Variants in RANBP9 observed in about 807,000 individuals in gnomAD.
RANBP9 encodes the protein ran-binding protein 9.
In RANBP9, 15 loss-of-function variants were observed where a neutral mutation model predicts 84.3. The observed-to-expected ratio is 0.18, with a 90% confidence interval of 0.12 to 0.27. The LOEUF is 0.27. RANBP9 is among the 10% of genes least tolerant of loss of function. RANBP9 has a pLI of 1.00. For missense variants in RANBP9, 809 were observed against 912.8 expected (o/e 0.89, Z 1.46); for synonymous variants, 392 against 349.6 (o/e 1.12, Z -1.35).
chr6:13,696,802 G>A lies in RANBP9; in HGVS notation c.666C>T (p.Val222=), dbSNP rs749045213. The change falls in exon 2 of 14, where the codon GTC becomes GTT. Residue 222 remains valine, a synonymous_variant. Transcript: ENST00000011619. Reference sequence around the variant, plus strand: ...TTACTTACCCATCTCTTCCCTTACTGACAATTTTTACTTCAAAATAATAAA... The same window carrying A: ...TTACTTACCCATCTCTTCCCTTACTAACAATTTTTACTTCAAAATAATAAA... ...CGIYYFEVKI[V]SKGRDGYMGI... 1.2e-6 allele frequency: 2 copies of A among 1,608,662 alleles called. No homozygotes were observed. The highest frequency in any genetic ancestry group is 1.7e-6 in the Non-Finnish European group (2 of 1,176,800).
chr6:13,650,942 T>G (rs1562305144), intron 5 of RANBP9, among the ~76,000 whole-genome samples: 1 of 152,048 alleles, frequency 6.6e-6, no homozygotes, highest in Non-Finnish European at 1.5e-5. Flanking sequence ...CCAACCTGGG[T>G]GACAGAGTGA....
chr6:13,636,861 AT>A (rs540231662), intron 10 of RANBP9, among the ~76,000 whole-genome samples: 42 of 151,664 alleles, frequency 2.8e-4, no homozygotes, highest in East Asian at 1.7e-3. Flanking sequence ...TCAAATACAG[AT>A]TTTTTTTTAC....
At chr6:13,630,995 G>C (rs1764766443) in intron 12 of RANBP9, among the ~76,000 whole-genome samples, 1 of 152,054 alleles carries the variant, frequency 6.6e-6, no homozygotes, top group Non-Finnish European at 1.5e-5. Context: ...ATTTTTAGTA[G>C]AGACGGGGTT....
chr6:13,652,198 T>G (rs1216237550), intron 5 of RANBP9, among the ~76,000 whole-genome samples: 2 of 152,234 alleles, frequency 1.3e-5, no homozygotes, highest in Non-Finnish European at 2.9e-5. Context: ...TACTTGTTTT[T>G]CATGTACTGC....
At position 13,693,886 on chromosome 6, in the gene RANBP9, T is replaced by C. The variant is rs1168053614; in HGVS notation, c.683+2899A>G. Among the ~76,000 whole-genome samples, 9 of 151,816 alleles carry C rather than the reference T, an allele frequency of 5.9e-5. 1 individual carries two copies. The South Asian group carries it at 1.3e-3, about 21-fold the overall frequency. Reference sequence around the variant, plus strand: ...TGTGAAACCCTGTCTCTACTAAAAATACAAAAATTAGCCAGGTGTGGTGGT... The same window carrying C: ...TGTGAAACCCTGTCTCTACTAAAAACACAAAAATTAGCCAGGTGTGGTGGT... On this transcript the variant is annotated intron_variant, in intron 2 of 13. Coordinates refer to ENST00000011619, the MANE Select transcript of RANBP9 (RefSeq NM_005493.3).
At chr6:13,692,544 A>AAAC in intron 2 of RANBP9, among the ~76,000 whole-genome samples, 1 of 147,618 alleles carries the variant, frequency 6.8e-6, no homozygotes, top group African/African-American at 2.5e-5. Context: ...AAAAAAAAAA[A>AAAC]AAAAAAAAAA....
chr6:13,657,062 TA>T, intron 4 of RANBP9, 46 bp downstream of exon 4: 1 of 1,481,988 alleles, frequency 6.7e-7, no homozygotes. Context: ...GGAAGTATAA[TA>T]ATCTCCATAT....
chr6:13,641,641 T>TA (rs1177490710), intron 7 of RANBP9, among the ~76,000 whole-genome samples: 1 of 152,134 alleles, frequency 6.6e-6, no homozygotes, highest in Non-Finnish European at 1.5e-5. Context: ...TTATCAAACA[T>TA]AATCTTCTGA....
chr6:13,650,614 G>A (rs552003691), intron 5 of RANBP9, among the ~76,000 whole-genome samples: 61 of 152,182 alleles, frequency 4.0e-4, no homozygotes, highest in African/African-American at 1.3e-3. Flanking sequence ...TTTCATTTTC[G>A]TGATATTGGT....
At chr6:13,662,375 T>C (rs754464187) in intron 2 of RANBP9, among the ~76,000 whole-genome samples, 1 of 152,084 alleles carries the variant, frequency 6.6e-6, no homozygotes, top group Non-Finnish European at 1.5e-5. Context: ...GCACAAGATG[T>C]AGGGAGAAAT....
chr6:13,684,523 C>A (rs1047044635), intron 2 of RANBP9, among the ~76,000 whole-genome samples: 1 of 152,164 alleles, frequency 6.6e-6, no homozygotes, highest in Non-Finnish European at 1.5e-5. Context: ...TCATACAATT[C>A]AACTTTCCTC....
intron 5 of RANBP9, among the ~76,000 whole-genome samples, chr6:13,648,856 G>T (rs978123391): frequency 6.6e-6 from 1 of 152,108 alleles, no homozygotes; most frequent in African/African-American, 2.4e-5. Context: ...ATGTTTTTTA[G>T]TATGTTCACA....
At chr6:13,706,554 G>A (rs530269727) in intron 1 of RANBP9, among the ~76,000 whole-genome samples, 2 of 151,660 alleles carry the variant, frequency 1.3e-5, no homozygotes, top group Non-Finnish European at 2.9e-5. Flanking sequence ...TTAGCCAGGC[G>A]TGGTGGCGCA....
chr6:13,657,973 T>C (rs1765442722), intron 3 of RANBP9, among the ~76,000 whole-genome samples: 1 of 152,168 alleles, frequency 6.6e-6, no homozygotes, highest in African/African-American at 2.4e-5. Context: ...GCCTTGTACT[T>C]CAAAAAGTCT....
At chr6:13,708,811 C>T (rs894942741) in intron 1 of RANBP9, among the ~76,000 whole-genome samples, 2 of 145,724 alleles carry the variant, frequency 1.4e-5, no homozygotes, top group African/African-American at 5.1e-5. Flanking sequence ...ACAGTAACAA[C>T]GGAAAACTCA....
At chr6:13,698,072 T>C (rs749315916) in intron 1 of RANBP9, among the ~76,000 whole-genome samples, 35 of 152,190 alleles carry the variant, frequency 2.3e-4, no homozygotes, top group Non-Finnish European at 4.1e-4. Flanking sequence ...ATTTATCAAA[T>C]TTCCAACACA....
At chr6:13,642,821 C>A (rs1279505571) in intron 6 of RANBP9, among the ~76,000 whole-genome samples, 1 of 152,104 alleles carries the variant, frequency 6.6e-6, no homozygotes, top group African/African-American at 2.4e-5. Context: ...GACTACTCTC[C>A]CTAAAATAAA....
intron 2 of RANBP9, among the ~76,000 whole-genome samples, chr6:13,664,684 T>G (rs1363281137): frequency 6.6e-6 from 1 of 152,126 alleles, no homozygotes; most frequent in East Asian, 1.9e-4. Flanking sequence ...CCCAATACAC[T>G]GATTTGATCT....
chr6:13,632,456 T>C lies in RANBP9; in HGVS notation c.1861A>G (p.Ile621Val), dbSNP rs771932058. Reference protein sequence around the residue: ...GGSQAAIERMIHFGRELQAMS... With the variant: ...GGSQAAIERMVHFGRELQAMS... The stretch of plus-strand genomic sequence containing the variant: ...GCTTGCAGCTCTCGTCCAAAGTGGA[T>C]CATTCTTTCTATGGCGGCCTGACTT... The change falls in exon 12 of 14, where the codon ATC becomes GTC. Residue 621 changes from isoleucine to valine, a missense_variant. Ile to Val is a conservative substitution (Grantham distance 29). Coordinates refer to ENST00000011619, the MANE Select transcript of RANBP9 (RefSeq NM_005493.3). 4 of 1,613,926 alleles carry C rather than the reference T, an allele frequency of 2.5e-6. No individual in the cohort carries two copies. Among genetic ancestry groups the C allele is most frequent in the Non-Finnish European group, 3.4e-6 (4 of 1,179,924 alleles).
Sources: allele counts gnomAD v4.1 joint callset (sites outside exome capture counted in the v4.1 genomes callset), GRCh38; gene constraint gnomAD v4.1.1; transcripts MANE v1.5; gene names NCBI Gene and HGNC (gene_info 2026-07-23, HGNC 2026-07-21).